RGPD4: variants seen among roughly 807,000 people sequenced by gnomAD.
RGPD4 encodes the protein RANBP2 like and GRIP domain containing 4, also known as ranBP2-like and GRIP domain-containing protein 4.
RGPD4 carries 84 observed loss-of-function variants against 141.1 expected under a neutral mutation model. The observed-to-expected ratio is 0.60, with a 90% CI of 0.50 to 0.71. The LOEUF is 0.71. Ranked by LOEUF, RGPD4 falls within the 30% of genes least tolerant of loss-of-function variation. The probability of loss-of-function intolerance (pLI) is 0.00; values close to 1 mark genes in which losing one functional copy is unlikely to be tolerated. For missense variants in RGPD4, 918 were observed against 1,622.4 expected (o/e 0.57, Z 7.46); for synonymous variants, 298 against 566.8 (o/e 0.53, Z 6.74).
chr2:107,890,419 A>G (rs1675622833), intron 22 of RGPD4, among the ~76,000 whole-genome samples: 1 of 140,928 alleles, frequency 7.1e-6, no homozygotes, highest in African/African-American at 2.7e-5. Context: ...ATGGTGGCAC[A>G]CACCTTGTGG....
intron 20 of RGPD4, among the ~76,000 whole-genome samples, chr2:107,877,716 C>T (rs1383735901): frequency 1.3e-5 from 2 of 151,590 alleles, no homozygotes; most frequent in Non-Finnish European, 2.9e-5. Flanking sequence ...ATATTATGAG[C>T]TGTGTTATCT....
chr2:107,855,624 G>GT (rs1285521988), intron 8 of RGPD4, among the ~76,000 whole-genome samples: 2 of 141,662 alleles, frequency 1.4e-5, no homozygotes, highest in Non-Finnish European at 3.1e-5. Context: ...TCGAAGGAGG[G>GT]TTTTTTTAAA....
In RGPD4 at chr2:107,827,047, G is replaced by T. The variant is rs200269994; in HGVS notation, c.34G>T (p.Val12Phe). ...SCSKAYGERY[V>F]ASVQGSAPSP... ...CAGCAAGGCCTACGGGGAGCGGTACGTCGCCTCCGTGCAGGGCTCCGCCCC... is the reference window on the plus strand; with the variant it reads ...CAGCAAGGCCTACGGGGAGCGGTACTTCGCCTCCGTGCAGGGCTCCGCCCC... The change falls in exon 1 of 23, where the codon GTC becomes TTC. Residue 12 changes from valine (V) to phenylalanine (F), a missense_variant. Coordinates refer to ENST00000408999, the MANE Select transcript of RGPD4 (RefSeq NM_182588.3). 3.1e-6 allele frequency: 5 copies of T among 1,597,504 alleles called. No individual in the cohort carries two copies. Among genetic ancestry groups the T allele is most frequent in the South Asian group, 1.1e-5 (1 of 87,906 alleles).
Position 107,844,534 on chromosome 2 carries a change from GTT to G in RGPD4, c.782+806_782+807del. 6.6e-5 allele frequency among the ~76,000 whole-genome samples: 10 copies of G among 151,738 alleles called. No homozygotes were observed. The East Asian group carries it at 1.7e-3, about 26-fold the overall frequency. ...GATTGCTAGTTTAGGCTGTCCATTT[GTT>G]TGGAAGTTAATTTATTTCCCCATCT... On this transcript the variant is annotated intron_variant, in intron 6 of 22. Coordinates refer to ENST00000408999, the MANE Select transcript of RGPD4 (RefSeq NM_182588.3).
Position 107,872,029 on chromosome 2 carries a change from C to T in RGPD4, c.4025C>T (p.Pro1342Leu), listed in dbSNP as rs1682942648. 1 of 1,611,258 alleles carries T rather than the reference C, an allele frequency of 6.2e-7. No homozygotes were observed. Among genetic ancestry groups the T allele is most frequent in the African/African-American group, 1.3e-5 (1 of 74,390 alleles). ...TACTTTGAACCTGTTGTTCCTTTAC[C>T]TGATCTAGTTGAAGTATCCAGTGGT... is the stretch of plus-strand genomic sequence containing the variant. ...GQYFEPVVPL[P>L]DLVEVSSGEE... Residue 1342 changes from proline to leucine, a missense_variant, in exon 20 of 23, where the codon CCT becomes CTT. Transcript: ENST00000408999.
At position 107,880,415 on chromosome 2, in the gene RGPD4, C is replaced by A. The variant is rs542996967; in HGVS notation, c.5064+308C>A. 2.2e-4 allele frequency among the ~76,000 whole-genome samples: 33 copies of A among 150,702 alleles called. No homozygotes were observed. In the East Asian group the frequency reaches 5.7e-3, roughly 26 times the overall value. On this transcript the variant is annotated intron_variant, in intron 21 of 22. Coordinates refer to ENST00000408999, the MANE Select transcript of RGPD4 (RefSeq NM_182588.3). ...AGTAGCTGGGACTACAGGTGCCCGC[C>A]AACATGCCTGGCTAATTTCTTTGTA...
intron 20 of RGPD4, among the ~76,000 whole-genome samples, chr2:107,874,587 A>T (rs1683035807): frequency 6.6e-6 from 1 of 150,636 alleles, no homozygotes; most frequent in Admixed American, 6.6e-5. Flanking sequence ...GAGAAATGTG[A>T]AAAGTGTTAA....
chr2:107,863,740 G>A (rs1332337009), intron 17 of RGPD4, among the ~76,000 whole-genome samples: 15 of 151,960 alleles, frequency 9.9e-5, no homozygotes, highest in South Asian at 2.1e-4. Context: ...CGATCTGCCC[G>A]CCTTGGCCTC....
Position 107,891,929 on chromosome 2 carries a change from A to G in RGPD4, c.*1198A>G, listed in dbSNP as rs1034433939. Among the ~76,000 whole-genome samples, 151 of 111,724 alleles carry G rather than the reference A, an allele frequency of 1.4e-3. 23 individuals are homozygous for G. The highest frequency in any genetic ancestry group is 5.0e-3 in the African/African-American group (144 of 28,934). 73.3% of individuals were successfully genotyped at this position (111,724 alleles called of 152,430 possible). On this transcript the variant is annotated 3_prime_UTR_variant, in exon 23 of 23. Transcript: ENST00000408999. ...TGTTACTTGCCTTTGACACCTCTGCATATGTTTTAATGACTAGATCCAAAC... is the reference window on the plus strand; with the variant it reads ...TGTTACTTGCCTTTGACACCTCTGCGTATGTTTTAATGACTAGATCCAAAC...
chr2:107,881,445 G>T (rs1463535617), intron 21 of RGPD4, among the ~76,000 whole-genome samples: 2 of 151,746 alleles, frequency 1.3e-5, no homozygotes, highest in Non-Finnish European at 2.9e-5. Context: ...AGCCTCCCGA[G>T]TAGCTGAGAC....
chr2:107,857,346 T>A (rs1347385925), intron 9 of RGPD4, among the ~76,000 whole-genome samples: 1 of 150,744 alleles, frequency 6.6e-6, no homozygotes, highest in Non-Finnish European at 1.5e-5. Context: ...ATCATGTTGG[T>A]CAGGCTGGTC....
intron 1 of RGPD4, among the ~76,000 whole-genome samples, chr2:107,832,212 C>T (rs1171921836): frequency 1.3e-5 from 2 of 150,230 alleles, no homozygotes; most frequent in African/African-American, 2.5e-5. Context: ...TGATTGTCTA[C>T]CTGGAATACC....
At position 107,879,969 on chromosome 2, in the gene RGPD4, G is replaced by A. The variant is rs755294997; in HGVS notation, c.4926G>A (p.Glu1642=). The change falls in exon 21 of 23, where the codon GAG becomes GAA. Residue 1642 remains glutamate (E), a splice_region_variant and synonymous_variant. Coordinates refer to ENST00000408999, the MANE Select transcript of RGPD4 (RefSeq NM_182588.3). ...INYTFKTPEK[E]PPLWHAEFTK... is the part of the protein sequence containing the mutation. ...AATTCTTGGAACAACATGTTGCAGA[G>A]CCTCCATTATGGCATGCTGAATTTA... is the stretch of plus-strand genomic sequence containing the variant. 5 of 1,610,988 alleles carry A rather than the reference G, an allele frequency of 3.1e-6. No individual in the cohort carries two copies. The South Asian group carries it at 4.4e-5, about 14-fold the overall frequency.
At chr2:107,846,188 A>G (rs891896112) in intron 6 of RGPD4, among the ~76,000 whole-genome samples, 2 of 149,114 alleles carry the variant, frequency 1.3e-5, no homozygotes, top group African/African-American at 5.0e-5. Context: ...AGCCTCCCAA[A>G]GTGCTGGGAT....
intron 1 of RGPD4, among the ~76,000 whole-genome samples, chr2:107,829,960 C>T (rs1021888519): frequency 1.4e-4 from 21 of 152,204 alleles, no homozygotes; most frequent in Admixed American, 3.9e-4. Context: ...GACGCAGCTC[C>T]GGGTGAGCTT....
intron 11 of RGPD4, 33 bp downstream of exon 11, chr2:107,859,587 T>A (rs1682464864): frequency 6.2e-7 from 1 of 1,611,496 alleles, no homozygotes; most frequent in Admixed American, 1.7e-5. Context: ...TGCTTTCACT[T>A]AGTGCGTAGG....
rs747666619 is a variant in RGPD4, at chr2:107,880,140, T to A, written c.5064+33T>A. 2.5e-6 allele frequency: 4 copies of A among 1,611,432 alleles called. No individual in the cohort carries two copies. In the East Asian group the frequency reaches 6.7e-5, roughly 27 times the overall value. On this transcript the variant is annotated intron_variant, in intron 21 of 22. Coordinates refer to ENST00000408999, the MANE Select transcript of RGPD4 (RefSeq NM_182588.3). ...CAGAAAACCTGGCCACCATGAAAAC[T>A]GCCAATTTGGTTTTCTGGACCCTCC... is the stretch of plus-strand genomic sequence containing the variant.
chr2:107,880,483 T>A (rs1388694025), intron 21 of RGPD4, among the ~76,000 whole-genome samples: 1 of 151,598 alleles, frequency 6.6e-6, no homozygotes, highest in Non-Finnish European at 1.5e-5. Flanking sequence ...CAGGATGGTC[T>A]CGATCTCCTG....
intron 22 of RGPD4, among the ~76,000 whole-genome samples, chr2:107,885,057 G>T (rs1254345395): frequency 6.6e-6 from 1 of 152,146 alleles, no homozygotes; most frequent in Non-Finnish European, 1.5e-5. Context: ...TCAAACTACA[G>T]GATAGGTTTC....
Sources: allele counts gnomAD v4.1 joint callset (sites outside exome capture counted in the v4.1 genomes callset), GRCh38; gene constraint gnomAD v4.1.1; transcripts MANE v1.5; gene names NCBI Gene and HGNC (gene_info 2026-07-23, HGNC 2026-07-21).